MERTK: variants seen among roughly 807,000 people sequenced by gnomAD.
MERTK encodes tyrosine-protein kinase Mer.
A neutral mutation model predicts 99.3 loss-of-function variants in MERTK; 69 were observed. The ratio of observed to expected loss-of-function variants is 0.70; its 90% CI spans 0.57 to 0.85. The LOEUF (loss-of-function observed/expected upper bound fraction) is 0.85. MERTK is among the 40% of genes least tolerant of loss of function. The pLI, the probability that MERTK is intolerant of heterozygous loss-of-function variation, is 0.00. For missense variants in MERTK, 1,125 were observed against 1,249.4 expected, an observed-to-expected ratio of 0.90 and a Z score of 1.50; for synonymous variants, 426 against 467.6, an observed-to-expected ratio of 0.91 and a Z score of 1.15.
intron 2 of MERTK, among the ~76,000 whole-genome samples, chr2:111,940,061 T>C (rs1684833622): frequency 6.6e-6 from 1 of 152,080 alleles, no homozygotes; most frequent in South Asian, 2.1e-4. Context: ...CCTCCTGTGG[T>C]CCAGCTCCTG....
intron 1 of MERTK, among the ~76,000 whole-genome samples, chr2:111,913,844 T>C (rs1490571337): frequency 2.0e-5 from 3 of 152,234 alleles, no homozygotes; most frequent in Non-Finnish European, 4.4e-5. Flanking sequence ...CCACTGTGCC[T>C]AGCCTTCCTT....
At chr2:111,906,034 T>A (rs570649416) in intron 1 of MERTK, among the ~76,000 whole-genome samples, 1 of 152,178 alleles carries the variant, frequency 6.6e-6, no homozygotes, top group South Asian at 2.1e-4. Context: ...TGGATTTTTT[T>A]GCCAGCACAT....
chr2:111,954,039 G>C (rs556798116), intron 4 of MERTK, among the ~76,000 whole-genome samples: 2 of 152,252 alleles, frequency 1.3e-5, no homozygotes, highest in South Asian at 2.1e-4. Flanking sequence ...CACCACCATA[G>C]TGAGTGATGC....
At chr2:111,949,405 A>G (rs1685016344) in intron 4 of MERTK, among the ~76,000 whole-genome samples, 1 of 152,142 alleles carries the variant, frequency 6.6e-6, no homozygotes, top group Non-Finnish European at 1.5e-5. Flanking sequence ...GCCCCTACCT[A>G]TTAACTCTGA....
At chr2:111,997,028 T>C (rs1380991119) in intron 9 of MERTK, 9 of 402,336 alleles carry the variant, frequency 2.2e-5, no homozygotes, top group Admixed American at 7.5e-5. Context: ...TTCTCATTGA[T>C]TTTAAAATTA....
At chr2:111,919,237 GC>G (rs1332385624) in intron 1 of MERTK, among the ~76,000 whole-genome samples, 1 of 152,088 alleles carries the variant, frequency 6.6e-6, no homozygotes, top group Non-Finnish European at 1.5e-5. Flanking sequence ...GCCATTCAGT[GC>G]CCCCCATCCC....
intron 2 of MERTK, among the ~76,000 whole-genome samples, chr2:111,932,770 A>T (rs1684697365): frequency 6.6e-6 from 1 of 152,150 alleles, no homozygotes; most frequent in Admixed American, 6.5e-5. Flanking sequence ...GTTTCAGGGT[A>T]GGGGGCTTAT....
intron 2 of MERTK, among the ~76,000 whole-genome samples, chr2:111,940,046 C>A (rs1684833150): frequency 6.6e-6 from 1 of 152,006 alleles, no homozygotes; most frequent in African/African-American, 2.4e-5. Context: ...TGAGGATCCT[C>A]TATGCCTCCT....
At chr2:111,969,325 A>AT (rs1283133513) in intron 6 of MERTK, among the ~76,000 whole-genome samples, 1 of 152,156 alleles carries the variant, frequency 6.6e-6, no homozygotes, top group African/African-American at 2.4e-5. Context: ...GGTCAGAACC[A>AT]TCAGCTCTTC....
chr2:111,927,309 A>T (rs959662113), intron 1 of MERTK, among the ~76,000 whole-genome samples: 1 of 152,228 alleles, frequency 6.6e-6, no homozygotes. Context: ...AGACAGGGGT[A>T]TGCCCTTCAG....
intron 15 of MERTK, among the ~76,000 whole-genome samples, chr2:112,017,916 T>C (rs1677251383): frequency 6.6e-6 from 1 of 152,134 alleles, no homozygotes; most frequent in African/African-American, 2.4e-5. Context: ...AAAACCCAAC[T>C]CAAAATGACT....
intron 1 of MERTK, among the ~76,000 whole-genome samples, chr2:111,916,521 AT>A (rs1357816725): frequency 6.6e-6 from 1 of 151,482 alleles, no homozygotes; most frequent in Non-Finnish European, 1.5e-5. Context: ...ATTTTTGGTT[AT>A]TGTATTTTTT....
Position 111,945,058 on chromosome 2 carries a change from A to G in MERTK, c.581A>G (p.Gln194Arg), listed in dbSNP as rs1684940112. 1 of 1,611,448 alleles carries G rather than the reference A, an allele frequency of 6.2e-7. No individual in the cohort carries two copies. Among genetic ancestry groups the G allele is most frequent in the Admixed American group, 1.7e-5 (1 of 59,988 alleles). Residue 194 changes from glutamine (Q) to arginine (R), a missense_variant and splice_region_variant, in exon 3 of 19, where the codon CAA becomes CGA. Coordinates refer to ENST00000295408, the MANE Select transcript of MERTK (RefSeq NM_006343.3). ...IVSDPIYIEV[Q>R]GLPHFTKQPE... ...TCTGATCCCATCTACATCGAAGTAC[A>G]AGGTAAGTCCACAGACCAGAGTCCC...
chr2:111,912,997 A>T, intron 1 of MERTK: 1 of 982,258 alleles, frequency 1.0e-6, no homozygotes, highest in Non-Finnish European at 1.2e-6. Flanking sequence ...AATTCCAGTG[A>T]TACACCCTTC....
chr2:112,023,392 C>T (rs55812028), intron 18 of MERTK, among the ~76,000 whole-genome samples: 30,420 of 151,698 alleles, frequency 0.2, 3,845 homozygotes, highest in South Asian at 0.32. Flanking sequence ...CCAGCCTGGG[C>T]GGCAGAGTAA....
At position 111,945,692 on chromosome 2, in the gene MERTK, G is replaced by A. The variant is rs114830916; in HGVS notation, c.583+632G>A. ...ACTTGAACTCTAATGGGCAATGTGA[G>A]CTGATGCACAGGTGAACCAGGCCAG... On this transcript the variant is annotated intron_variant, in intron 3 of 18. Coordinates refer to ENST00000295408, the MANE Select transcript of MERTK (RefSeq NM_006343.3). Among the ~76,000 whole-genome samples, 244 of 152,362 alleles carry A rather than the reference G, an allele frequency of 1.6e-3. 1 individual carries two copies. The highest frequency in any genetic ancestry group is 5.1e-3 in the African/African-American group (214 of 41,584).
chr2:112,011,139 A>G (rs948906673), intron 15 of MERTK, among the ~76,000 whole-genome samples: 4 of 152,162 alleles, frequency 2.6e-5, no homozygotes, highest in Non-Finnish European at 4.4e-5. Context: ...CAGTGGTGCA[A>G]TTAGGAACAA....
intron 8 of MERTK, among the ~76,000 whole-genome samples, chr2:111,991,579 T>C (rs1349343819): frequency 6.6e-6 from 1 of 152,134 alleles, no homozygotes; most frequent in African/African-American, 2.4e-5. Context: ...AAAAGGTTAA[T>C]TATTAATTTG....
At chr2:111,956,689 C>T (rs1250160807) in intron 4 of MERTK, among the ~76,000 whole-genome samples, 4 of 152,220 alleles carry the variant, frequency 2.6e-5, no homozygotes, top group African/African-American at 9.6e-5. Context: ...GAGACAAGGT[C>T]TTCTCTGTCA....
Sources: allele counts gnomAD v4.1 joint callset (sites outside exome capture counted in the v4.1 genomes callset), GRCh38; gene constraint gnomAD v4.1.1; transcripts MANE v1.5; gene names NCBI Gene and HGNC (gene_info 2026-07-23, HGNC 2026-07-21).